PLCXD2: variants seen among roughly 807,000 people sequenced by gnomAD.
The protein encoded by PLCXD2 is phosphatidylinositol specific phospholipase C X domain containing 2, also known as PI-PLC X domain-containing protein 2.
A neutral mutation model predicts 28.6 loss-of-function variants in PLCXD2; 21 were observed. That is an observed-to-expected ratio of 0.73 (90% CI 0.52 to 1.06). The LOEUF is 1.06. PLCXD2 is among the 50% of genes least tolerant of loss of function. The pLI, the probability that PLCXD2 is intolerant of heterozygous loss-of-function variation, is 0.00. For synonymous variants in PLCXD2, 140 were observed against 150.1 expected (o/e 0.93, Z 0.49); for missense variants, 369 against 376.7 (o/e 0.98, Z 0.17).
chr3:111,707,689 A>G (rs1941139574), intron 1 of PLCXD2, among the ~76,000 whole-genome samples: 1 of 152,210 alleles, frequency 6.6e-6, no homozygotes, highest in Non-Finnish European at 1.5e-5. Flanking sequence ...AATTTGCCTT[A>G]TGCCAGCAAA....
At chr3:111,680,272 A>G (rs1940692928) in intron 1 of PLCXD2, among the ~76,000 whole-genome samples, 1 of 152,172 alleles carries the variant, frequency 6.6e-6, no homozygotes, top group Non-Finnish European at 1.5e-5. Flanking sequence ...TGGCATATCT[A>G]AAAGAGATTT....
chr3:111,689,683 G>C (rs886114201), intron 1 of PLCXD2, among the ~76,000 whole-genome samples: 1 of 152,112 alleles, frequency 6.6e-6, no homozygotes, highest in Non-Finnish European at 1.5e-5. Flanking sequence ...AGCACCTTAT[G>C]ATAAAAGTGG....
intron 1 of PLCXD2, among the ~76,000 whole-genome samples, chr3:111,702,953 A>AG (rs1941063991): frequency 6.6e-6 from 1 of 152,258 alleles, no homozygotes; most frequent in Non-Finnish European, 1.5e-5. Flanking sequence ...TTGTATGTGC[A>AG]GGAATGGGGG....
intron 1 of PLCXD2, among the ~76,000 whole-genome samples, chr3:111,702,637 A>G (rs1941059338): frequency 6.6e-6 from 1 of 152,084 alleles, no homozygotes; most frequent in Middle Eastern, 3.2e-3. Context: ...TGAGGTCCTA[A>G]GCTGTTTGCT....
At chr3:111,726,109 G>A (rs1941411997) in intron 3 of PLCXD2, 2 of 375,404 alleles carry the variant, frequency 5.3e-6, no homozygotes, top group Non-Finnish European at 9.4e-6. Context: ...GCAGGGGCTT[G>A]CTCACAAACA....
At chr3:111,725,828 T>G in intron 3 of PLCXD2, 1 of 398,596 alleles carries the variant, frequency 2.5e-6, no homozygotes, top group Non-Finnish European at 4.4e-6. Flanking sequence ...AGGCATATTC[T>G]GTGTCATTCC....
intron 1 of PLCXD2, among the ~76,000 whole-genome samples, chr3:111,687,610 A>G (rs1940813162): frequency 6.6e-6 from 1 of 152,042 alleles, no homozygotes; most frequent in South Asian, 2.1e-4. Flanking sequence ...TATGAAAGCC[A>G]CCCTAAATAT....
At chr3:111,712,467 C>A (rs1336732734) in intron 2 of PLCXD2, among the ~76,000 whole-genome samples, 2 of 152,194 alleles carry the variant, frequency 1.3e-5, no homozygotes, top group Admixed American at 1.3e-4. Context: ...CCCAGGCAAT[C>A]TGCTTATCAT....
chr3:111,708,274 C>T lies in PLCXD2; in HGVS notation c.512C>T (p.Thr171Ile), dbSNP rs777498961. Residue 171 changes from threonine (T) to isoleucine (I), a missense_variant, in exon 2 of 5, where the codon ACC (threonine) becomes ATC (isoleucine). By Grantham distance (89) the Thr-to-Ile change is moderately conservative. Transcript: ENST00000477665. ...AACCACTTCTATGCCATGGATGAGA[C>T]CCATCACAAATGCCTGGTTCTGCGG... The T allele has an allele frequency of 9.3e-6, 15 of 1,613,972 alleles. 1 individual carries two copies. In the South Asian group the frequency reaches 9.9e-5, roughly 11 times the overall value.
intron 1 of PLCXD2, among the ~76,000 whole-genome samples, chr3:111,696,600 A>G (rs9838059): frequency 0.044 from 6,739 of 152,256 alleles, 240 homozygotes; most frequent in African/African-American, 0.093. Flanking sequence ...AGTATAGGCT[A>G]ATAGAGAAAG....
chr3:111,708,422 G>T, intron 2 of PLCXD2, 36 bp downstream of exon 2: 1 of 1,563,094 alleles, frequency 6.4e-7, no homozygotes, highest in Non-Finnish European at 8.7e-7. Flanking sequence ...CCAAGAGCAA[G>T]AATTTAACTC....
chr3:111,703,171 G>C (rs138938157), intron 1 of PLCXD2, among the ~76,000 whole-genome samples: 304 of 152,318 alleles, frequency 2.0e-3, no homozygotes, highest in Non-Finnish European at 3.5e-3. Flanking sequence ...TCAGCAATCT[G>C]CTTCATTGTT....
intron 1 of PLCXD2, among the ~76,000 whole-genome samples, chr3:111,681,570 C>T (rs758489810): frequency 7.2e-5 from 11 of 152,162 alleles, no homozygotes; most frequent in Non-Finnish European, 1.3e-4. Flanking sequence ...ACACATGCAA[C>T]ACACATGTAC....
At chr3:111,715,015 T>A (rs1299881531) in intron 3 of PLCXD2, among the ~76,000 whole-genome samples, 1 of 152,184 alleles carries the variant, frequency 6.6e-6, no homozygotes, top group Non-Finnish European at 1.5e-5. Flanking sequence ...TCCAAAAACA[T>A]GTTTCTATTT....
At position 111,708,399 on chromosome 3, in the gene PLCXD2, G is replaced by C. The variant is rs1209554292; in HGVS notation, c.624+13G>C. 3.7e-6 allele frequency: 6 copies of C among 1,604,896 alleles called. No homozygotes were observed. The highest frequency in any genetic ancestry group is 3.3e-5 in the South Asian group (3 of 90,430). ...GAAGAACTGCCAGGTAGGAGGGAAGGAGAGATAAGCTTCCAAGAGCAAGAA... is the reference window on the plus strand; with the variant it reads ...GAAGAACTGCCAGGTAGGAGGGAAGCAGAGATAAGCTTCCAAGAGCAAGAA... On this transcript the variant is annotated intron_variant, in intron 2 of 4. Coordinates refer to ENST00000477665, the MANE Select transcript of PLCXD2 (RefSeq NM_001185106.1).
chr3:111,705,429 A>G (rs145055206), intron 1 of PLCXD2, among the ~76,000 whole-genome samples: 2 of 152,172 alleles, frequency 1.3e-5, no homozygotes, highest in African/African-American at 4.8e-5. Flanking sequence ...ATTTAGGTTG[A>G]TTTCATATCT....
chr3:111,678,442 T>C (rs547855410), intron 1 of PLCXD2, among the ~76,000 whole-genome samples: 1 of 152,360 alleles, frequency 6.6e-6, no homozygotes, highest in East Asian at 1.9e-4. Flanking sequence ...TGATATTCTC[T>C]ATGGACAAAT....
chr3:111,683,701 T>C (rs915973763), intron 1 of PLCXD2, among the ~76,000 whole-genome samples: 1 of 152,170 alleles, frequency 6.6e-6, no homozygotes, highest in African/African-American at 2.4e-5. Context: ...AAATGGTCAT[T>C]TAATCAAGCA....
intron 2 of PLCXD2, among the ~76,000 whole-genome samples, chr3:111,711,589 T>G (rs1941200851): frequency 6.6e-6 from 1 of 152,212 alleles, no homozygotes; most frequent in Non-Finnish European, 1.5e-5. Context: ...ATGCTACCAT[T>G]CAGTCAAATT....
Sources: gnomAD v4.1 joint callset for allele counts (sites outside exome capture counted in the v4.1 genomes callset) on GRCh38, gnomAD v4.1.1 for gene constraint, MANE v1.5 for transcripts, NCBI Gene and HGNC (gene_info 2026-07-23, HGNC 2026-07-21) for gene names.